The following KCNIP4 variants were observed in gnomAD, a reference collection of about 807,000 sequenced individuals.
KCNIP4 encodes Kv channel-interacting protein 4.
A neutral mutation model predicts 34.0 loss-of-function variants in KCNIP4; 12 were observed. That is an observed-to-expected ratio of 0.35 (90% CI 0.23 to 0.57). KCNIP4 has a LOEUF of 0.57. Among genes scored for constraint, KCNIP4 ranks in the 20% least tolerant of loss-of-function variants. The pLI is 0.83. For synonymous variants in KCNIP4, 124 were observed against 102.2 expected (o/e 1.21, Z -1.29); for missense variants, 238 against 311.7 (o/e 0.76, Z 1.78).
Position 20,855,787 on chromosome 4 carries a change from G to T in KCNIP4, c.164-5120C>A, listed in dbSNP as rs140429857. ...TATATTATAATAACTTATCTGGAAAGAATGAAATGGAAAAGCTTCAGAATA... is the reference window on the plus strand; with the variant it reads ...TATATTATAATAACTTATCTGGAAATAATGAAATGGAAAAGCTTCAGAATA... On this transcript the variant is annotated intron_variant, in intron 2 of 8. Coordinates refer to ENST00000382152, the MANE Select transcript of KCNIP4 (RefSeq NM_025221.6). 6.1e-4 allele frequency among the ~76,000 whole-genome samples: 93 copies of T among 152,188 alleles called. 3 individuals are homozygous for T. In the East Asian group the frequency reaches 0.018, roughly 29 times the overall value.
intron 1 of KCNIP4, among the ~76,000 whole-genome samples, chr4:21,543,262 C>G (rs1443875491): frequency 6.6e-6 from 1 of 152,084 alleles, no homozygotes; most frequent in African/African-American, 2.4e-5. Flanking sequence ...AACTATCACA[C>G]AGATCTATAA....
rs1273180904 is a variant in KCNIP4 at position 21,748,493 on chromosome 4, T to C, written c.61+200078A>G. On this transcript the variant is annotated intron_variant, in intron 1 of 8. Transcript: ENST00000382152. ...GCACTAAATATCTATTTAGGAAATA[T>C]GAAAACAGACCAAAAAATATTTACA... Among the ~76,000 whole-genome samples the C allele has an allele frequency of 2.0e-5, 3 of 152,304 alleles. No homozygotes were observed. The East Asian group carries it at 5.8e-4, about 29-fold the overall frequency.
chr4:21,912,509 C>T (rs969229071), intron 1 of KCNIP4, among the ~76,000 whole-genome samples: 4 of 151,990 alleles, frequency 2.6e-5, no homozygotes, highest in Admixed American at 6.6e-5. Context: ...AAAGTCAAAT[C>T]GATGTTAGAG....
At chr4:20,775,859 A>C (rs1279524874) in intron 3 of KCNIP4, among the ~76,000 whole-genome samples, 1 of 152,186 alleles carries the variant, frequency 6.6e-6, no homozygotes, top group Non-Finnish European at 1.5e-5. Flanking sequence ...GGAGGGCAGA[A>C]AGACTCCCAG....
At chr4:21,240,401 A>G (rs1759722825) in intron 1 of KCNIP4, among the ~76,000 whole-genome samples, 2 of 152,032 alleles carry the variant, frequency 1.3e-5, no homozygotes, top group Admixed American at 1.3e-4. Context: ...AAATTTAAAA[A>G]GTAGCTGCCT....
intron 1 of KCNIP4, among the ~76,000 whole-genome samples, chr4:21,884,610 A>C (rs1315699957): frequency 6.6e-6 from 1 of 152,118 alleles, no homozygotes; most frequent in African/African-American, 2.4e-5. Flanking sequence ...AGAAAGAAAA[A>C]GAGAAAAAAA....
chr4:21,814,216 A>G lies in KCNIP4; in HGVS notation c.61+134355T>C, dbSNP rs1168040073. 4.6e-5 allele frequency among the ~76,000 whole-genome samples: 7 copies of G among 152,282 alleles called. No individual in the cohort carries two copies. The East Asian group carries it at 1.4e-3, about 29-fold the overall frequency. ...GACCCTATGAAATACCATTGATCTAAATCAAAGGGATATTTGAGCAAAAAT... is the reference window on the plus strand; with the variant it reads ...GACCCTATGAAATACCATTGATCTAGATCAAAGGGATATTTGAGCAAAAAT... On this transcript the variant is annotated intron_variant, in intron 1 of 8. Transcript: ENST00000382152.
intron 1 of KCNIP4, among the ~76,000 whole-genome samples, chr4:21,629,144 A>C (rs541208410): frequency 6.6e-6 from 1 of 152,330 alleles, no homozygotes; most frequent in Non-Finnish European, 1.5e-5. Context: ...AGCAGTGCAA[A>C]GCAATGCAAA....
At chr4:21,168,485 C>T (rs1753795034) in intron 1 of KCNIP4, among the ~76,000 whole-genome samples, 1 of 152,158 alleles carries the variant, frequency 6.6e-6, no homozygotes, top group Non-Finnish European at 1.5e-5. Flanking sequence ...CTTTCTTTAA[C>T]CATAGGCTAG....
chr4:21,433,904 A>C (rs73249582), intron 1 of KCNIP4, among the ~76,000 whole-genome samples: 8,494 of 152,338 alleles, frequency 0.056, 344 homozygotes, highest in Middle Eastern at 0.12. Context: ...AATTATTAAT[A>C]TTATCATTTG....
intron 1 of KCNIP4, among the ~76,000 whole-genome samples, chr4:21,920,812 T>C (rs892972560): frequency 4.0e-5 from 6 of 151,314 alleles, no homozygotes; most frequent in African/African-American, 1.2e-4. Context: ...GCTGCAGATA[T>C]AGTCAGATAC....
intron 1 of KCNIP4, among the ~76,000 whole-genome samples, chr4:21,055,840 T>C (rs1019295862): frequency 6.6e-6 from 1 of 152,228 alleles, no homozygotes; most frequent in Non-Finnish European, 1.5e-5. Context: ...AAAAATACTC[T>C]GTATGATACT....
At chr4:20,982,851 G>A (rs1736205815) in intron 1 of KCNIP4, among the ~76,000 whole-genome samples, 1 of 152,158 alleles carries the variant, frequency 6.6e-6, no homozygotes, top group Non-Finnish European at 1.5e-5. Context: ...AACACAATGT[G>A]AGAGGTAAAT....
intron 1 of KCNIP4, among the ~76,000 whole-genome samples, chr4:21,870,248 T>A (rs1166600463): frequency 6.6e-6 from 1 of 152,118 alleles, no homozygotes; most frequent in Non-Finnish European, 1.5e-5. Context: ...CAATACCTAG[T>A]AAGGCCTAGA....
chr4:21,410,754 T>C (rs1265194146), intron 1 of KCNIP4, among the ~76,000 whole-genome samples: 1 of 152,228 alleles, frequency 6.6e-6, no homozygotes, highest in Non-Finnish European at 1.5e-5. Context: ...ATGAGTTATG[T>C]GGTACTTATT....
intron 1 of KCNIP4, among the ~76,000 whole-genome samples, chr4:21,055,124 T>C (rs1743289375): frequency 6.6e-6 from 1 of 151,832 alleles, no homozygotes; most frequent in Non-Finnish European, 1.5e-5. Context: ...AAGAAGCACC[T>C]CCCAAAAGAA....
intron 1 of KCNIP4, among the ~76,000 whole-genome samples, chr4:21,522,822 T>C (rs1254759164): frequency 2.0e-5 from 3 of 152,130 alleles, no homozygotes; most frequent in Non-Finnish European, 2.9e-5. Flanking sequence ...TAAGTTGATA[T>C]TTGTAAAGTA....
chr4:21,613,586 T>C (rs996798366), intron 1 of KCNIP4: 1 of 152,170 alleles, frequency 6.6e-6, no homozygotes, highest in Non-Finnish European at 1.5e-5. Flanking sequence ...CCTATTGTTG[T>C]TTTAAGCCAC....
intron 3 of KCNIP4, among the ~76,000 whole-genome samples, chr4:20,792,681 G>T (rs1432461236): frequency 6.6e-6 from 1 of 151,998 alleles, no homozygotes; most frequent in Non-Finnish European, 1.5e-5. Flanking sequence ...CCATAATGAA[G>T]ATATTTCTTA....
Sources: gnomAD v4.1 joint callset for allele counts (sites outside exome capture counted in the v4.1 genomes callset) on GRCh38, gnomAD v4.1.1 for gene constraint, MANE v1.5 for transcripts, NCBI Gene and HGNC (gene_info 2026-07-23, HGNC 2026-07-21) for gene names.